The following PDE1A variants were observed in gnomAD, a reference collection of about 807,000 sequenced individuals.
PDE1A encodes the protein phosphodiesterase 1A, also known as dual specificity calcium/calmodulin-dependent 3',5'-cyclic nucleotide phosphodiesterase 1A.
Under a neutral mutation model 61.7 loss-of-function variants are expected in PDE1A, and 35 were observed. The ratio of observed to expected loss-of-function variants is 0.57; its 90% CI spans 0.43 to 0.75. The LOEUF is 0.75. PDE1A is among the 30% of genes least tolerant of loss of function. The pLI is 0.00. For missense variants in PDE1A, 597 were observed against 630.6 expected (o/e 0.95, Z 0.57); for synonymous variants, 232 against 213.2 (o/e 1.09, Z -0.77).
chr2:182,311,505 C>CA (rs1695970871), intron 1 of PDE1A, among the ~76,000 whole-genome samples: 1 of 152,180 alleles, frequency 6.6e-6, no homozygotes, highest in South Asian at 2.1e-4. Flanking sequence ...CCTTTTCCCT[C>CA]AATTCCCTTC....
intron 2 of PDE1A, among the ~76,000 whole-genome samples, chr2:182,259,439 ATACG>A (rs1263185168): frequency 6.6e-6 from 1 of 152,210 alleles, no homozygotes; most frequent in Admixed American, 6.5e-5. Flanking sequence ...CATTTTACTC[ATACG>A]TAATAAATAA....
Position 182,451,132 on chromosome 2 carries a change from AC to A in PDE1A, c.101+71143del, listed in dbSNP as rs1685488730. Among the ~76,000 whole-genome samples, 13 of 82,932 alleles carry A rather than the reference AC, an allele frequency of 1.6e-4. 1 individual carries two copies. Among genetic ancestry groups the A allele is most frequent in the African/African-American group, 2.1e-4 (5 of 23,264 alleles). 54.4% of individuals were successfully genotyped at this position (82,932 alleles called of 152,430 possible). A position where few individuals can be genotyped will look rare whatever the true frequency, so the allele number is the denominator to read the frequency against. On this transcript the variant is annotated intron_variant, in intron 2 of 14. Coordinates refer to the PDE1A transcript ENST00000410103. ...GGTGGCTCACGCCTGTAATCCCAGC[AC>A]TTTGGGAGGCCGAGGCGGGCGGATC...
intron 10 of PDE1A, among the ~76,000 whole-genome samples, chr2:182,197,113 G>GTCAT (rs1318865876): frequency 6.6e-6 from 1 of 151,512 alleles, no homozygotes; most frequent in Non-Finnish European, 1.5e-5. Context: ...TTTAATTTTA[G>GTCAT]TCATTCTCAT....
intron 2 of PDE1A, among the ~76,000 whole-genome samples, chr2:182,462,562 T>C (rs966404682): frequency 3.3e-5 from 5 of 151,944 alleles, no homozygotes; most frequent in Admixed American, 2.6e-4. Flanking sequence ...GAACAGAGCA[T>C]GGGCCCTGCC....
chr2:182,481,832 G>A (rs1687719769), intron 2 of PDE1A, among the ~76,000 whole-genome samples: 2 of 151,922 alleles, frequency 1.3e-5, no homozygotes, highest in South Asian at 4.1e-4. Context: ...ATCAGAATGA[G>A]AAAGTCCCAT....
intron 1 of PDE1A, among the ~76,000 whole-genome samples, chr2:182,346,671 C>G (rs1274127394): frequency 6.6e-6 from 1 of 152,122 alleles, no homozygotes; most frequent in Non-Finnish European, 1.5e-5. Flanking sequence ...AAAATTGCAA[C>G]CTGTTTTTCC....
At chr2:182,715,551 A>C in the PDE1A span, among the ~76,000 whole-genome samples, 1 of 152,200 alleles carries the variant, frequency 6.6e-6, no homozygotes, top group Non-Finnish European at 1.5e-5. Context: ...TCTCTTTTAA[A>C]TATAGAAAAT....
chr2:182,503,040 T>TACAC (rs35067674), intron 2 of PDE1A, among the ~76,000 whole-genome samples: 15,800 of 96,816 alleles, frequency 0.16, 1,047 homozygotes, highest in African/African-American at 0.19. Flanking sequence ...CATTCTTTCT[T>TACAC]ACACACACAC....
the PDE1A span, among the ~76,000 whole-genome samples, chr2:182,697,191 G>T: frequency 6.6e-6 from 1 of 152,116 alleles, no homozygotes; most frequent in Non-Finnish European, 1.5e-5. Context: ...ATGTACTTGG[G>T]GGAGGTGGGG....
chr2:182,462,024 G>C (rs552592071), intron 2 of PDE1A, among the ~76,000 whole-genome samples: 5 of 152,054 alleles, frequency 3.3e-5, no homozygotes, highest in African/African-American at 9.7e-5. Flanking sequence ...AACCAAGGGG[G>C]CTCATTCTCT....
At chr2:182,290,521 G>A (rs1396166213) in intron 1 of PDE1A, among the ~76,000 whole-genome samples, 1 of 151,888 alleles carries the variant, frequency 6.6e-6, no homozygotes, top group African/African-American at 2.4e-5. Flanking sequence ...TAACAGATGA[G>A]TCTCTGCCCT....
the PDE1A span, among the ~76,000 whole-genome samples, chr2:182,610,160 T>G: frequency 0.4 from 60,735 of 151,768 alleles, 13,603 homozygotes; most frequent in East Asian, 0.58. Context: ...CTTGCTGGGT[T>G]TCCCCACTCA....
downstream of PDE1A, among the ~76,000 whole-genome samples, chr2:182,164,856 C>G (rs556613855): frequency 6.6e-6 from 1 of 152,260 alleles, no homozygotes; most frequent in South Asian, 2.1e-4. Context: ...TCCCTGCATA[C>G]AATGCTATTG....
chr2:182,328,441 G>A (rs993261763), intron 1 of PDE1A, among the ~76,000 whole-genome samples: 1 of 152,110 alleles, frequency 6.6e-6, no homozygotes, highest in African/African-American at 2.4e-5. Context: ...TTGCAATGAT[G>A]GATTATTGAG....
chr2:182,403,694 T>C (rs1429962455), intron 1 of PDE1A, among the ~76,000 whole-genome samples: 1 of 150,666 alleles, frequency 6.6e-6, no homozygotes, highest in Non-Finnish European at 1.5e-5. Context: ...GGGACATGGG[T>C]GAACCTGGAA....
intron 1 of PDE1A, among the ~76,000 whole-genome samples, chr2:182,357,097 G>A (rs1307193500): frequency 6.6e-6 from 1 of 151,784 alleles, no homozygotes; most frequent in Non-Finnish European, 1.5e-5. Flanking sequence ...GAGTTAATGG[G>A]TGCAGCACAC....
chr2:182,584,372 A>G, the PDE1A span, among the ~76,000 whole-genome samples: 64 of 144,642 alleles, frequency 4.4e-4, no homozygotes, highest in East Asian at 1.1e-3. Context: ...TGCAGAGAGA[A>G]AGCACAGCAG....
rs189156846 is a variant in PDE1A, at chr2:182,381,400, G to C, written c.53+45178C>G. Among the ~76,000 whole-genome samples the C allele has an allele frequency of 7.2e-5, 11 of 152,328 alleles. No homozygotes were observed. The East Asian group carries it at 2.1e-3, about 29-fold the overall frequency. ...GTGATTTAGAATAGTTGCCAGAGTAGTCAATGAAGCGTTACATTATAAGGC... is the reference window on the plus strand; with the variant it reads ...GTGATTTAGAATAGTTGCCAGAGTACTCAATGAAGCGTTACATTATAAGGC... On this transcript the variant is annotated intron_variant, in intron 1 of 13. Transcript: ENST00000351439.
chr2:182,383,606 G>A (rs1279884477), intron 1 of PDE1A, among the ~76,000 whole-genome samples: 1 of 152,166 alleles, frequency 6.6e-6, no homozygotes, highest in Non-Finnish European at 1.5e-5. Flanking sequence ...GGCAGAGCAA[G>A]ATGGCAGAGT....
Sources: allele counts gnomAD v4.1 joint callset (sites outside exome capture counted in the v4.1 genomes callset), GRCh38; gene constraint gnomAD v4.1.1; transcripts MANE v1.5; gene names NCBI Gene and HGNC (gene_info 2026-07-23, HGNC 2026-07-21).